Variants in ABR observed in about 807,000 individuals in gnomAD.
The protein encoded by ABR is active breakpoint cluster region-related protein.
A neutral mutation model predicts 107.2 loss-of-function variants in ABR; 35 were observed. That is an observed-to-expected ratio of 0.33 (90% confidence interval 0.25 to 0.43). ABR has a LOEUF of 0.43. ABR is among the 20% of genes least tolerant of loss of function. The pLI, the probability that ABR is intolerant of heterozygous loss-of-function variation, is 1.00. For missense variants in ABR, 815 were observed against 1,115.2 expected (o/e 0.73, Z 3.83); for synonymous variants, 498 against 462.0 (o/e 1.08, Z -1.00).
At chr17:1,025,244 C>T (rs558164853) in intron 16 of ABR, among the ~76,000 whole-genome samples, 19 of 152,098 alleles carry the variant, frequency 1.2e-4, no homozygotes, top group East Asian at 3.9e-4. Context: ...TGCAGCGAGC[C>T]GAGATCGCGC....
At chr17:1,091,055 C>T (rs1282256001) in intron 4 of ABR, among the ~76,000 whole-genome samples, 3 of 152,322 alleles carry the variant, frequency 2.0e-5, no homozygotes, top group Admixed American at 6.5e-5. Flanking sequence ...CTGCCGCTCC[C>T]GACCCTGCAG....
At chr17:1,091,316 C>A (rs529449776) in intron 4 of ABR, among the ~76,000 whole-genome samples, 1 of 151,848 alleles carries the variant, frequency 6.6e-6, no homozygotes, top group African/African-American at 2.4e-5. Context: ...CCGGGAAAGA[C>A]GGAGCACCCT....
rs2032393325 is a variant in ABR, at chr17:1,050,756, C to T, written c.1562-122G>A. ...TTTCCAACGTCCCCACGGATGGCATCTTGGCTCTCTCCTCCCTGAAGCCCG... is the reference window on the plus strand; with the variant it reads ...TTTCCAACGTCCCCACGGATGGCATTTTGGCTCTCTCCTCCCTGAAGCCCG... On this transcript the variant is annotated intron_variant, in intron 14 of 22. Coordinates refer to ENST00000302538, the MANE Select transcript of ABR (RefSeq NM_021962.5). This position sits in a 1 kb window ranked among gnomAD's most constrained non-coding sequence, Gnocchi z 4.6. The T allele has an allele frequency of 2.6e-6, 2 of 778,222 alleles. No homozygotes were observed. Among genetic ancestry groups the T allele is most frequent in the African/African-American group, 3.4e-5 (2 of 58,818 alleles). 48.2% of individuals were successfully genotyped at this position (778,222 alleles called of 1,614,324 possible).
intron 2 of ABR, among the ~76,000 whole-genome samples, chr17:1,106,568 C>T (rs1214471477): frequency 7.9e-6 from 1 of 126,780 alleles, no homozygotes; most frequent in African/African-American, 3.1e-5. Context: ...CTCACCCTGT[C>T]GCCCAGGCTG....
intron 16 of ABR, chr17:1,031,902 G>GCTCCCCTCCCTCCC (rs1491576789): frequency 9.9e-7 from 1 of 1,009,500 alleles, no homozygotes; most frequent in Non-Finnish European, 1.2e-6. Context: ...CTCCGTCCGC[G>GCTCCCCTCCCTCCC]TCCCTCCTCC....
intron 10 of ABR, 140 bp from the exon 11 acceptor site, chr17:1,059,007 G>A (rs1463718733): frequency 7.7e-7 from 1 of 1,293,386 alleles, no homozygotes; most frequent in East Asian, 2.4e-5. Context: ...CTTGTGGCAG[G>A]AGAGGCGGGT....
chr17:1,053,730 G>A (rs867458175), intron 14 of ABR, among the ~76,000 whole-genome samples: 2 of 152,124 alleles, frequency 1.3e-5, no homozygotes, highest in East Asian at 1.9e-4. Flanking sequence ...CAGCTCAGCC[G>A]GCTCTGACAC....
chr17:1,007,123 G>A (rs112719182), intron 22 of ABR, 42 bp downstream of exon 22: 13 of 653,224 alleles, frequency 2.0e-5, no homozygotes, highest in African/African-American at 4.5e-5. Context: ...TCATGGGACC[G>A]TCACCCTCCG....
At chr17:1,009,272 C>A (rs1018004566) in intron 21 of ABR, among the ~76,000 whole-genome samples, 8 of 138,356 alleles carry the variant, frequency 5.8e-5, no homozygotes, top group African/African-American at 7.9e-5. Flanking sequence ...TGTCCACCCC[C>A]CACTGCTGTC....
intron 1 of ABR, among the ~76,000 whole-genome samples, chr17:1,195,144 A>G (rs1240687297): frequency 6.9e-6 from 1 of 145,828 alleles, no homozygotes. Context: ...CGTCTCTACT[A>G]AAAATACAAA....
chr17:1,061,529 ATTGT>A (rs1395210788), intron 10 of ABR, among the ~76,000 whole-genome samples: 2 of 144,968 alleles, frequency 1.4e-5, no homozygotes, highest in Admixed American at 1.4e-4. Context: ...TTCTTCAATA[ATTGT>A]TTGTTTACTA....
intron 10 of ABR, among the ~76,000 whole-genome samples, chr17:1,060,209 G>C (rs958900270): frequency 6.6e-6 from 1 of 152,096 alleles, no homozygotes; most frequent in African/African-American, 2.4e-5. Context: ...TCAGGAGTTC[G>C]AGACCACCCT....
At chr17:1,133,156 C>T (rs534673926) in intron 1 of ABR, among the ~76,000 whole-genome samples, 4 of 152,032 alleles carry the variant, frequency 2.6e-5, no homozygotes, top group South Asian at 2.1e-4. Flanking sequence ...GCAGGATAAT[C>T]GCTTGAACCT....
intron 3 of ABR, among the ~76,000 whole-genome samples, chr17:1,095,864 C>T (rs554413366): frequency 2.6e-5 from 4 of 152,236 alleles, no homozygotes; most frequent in South Asian, 2.1e-4. Flanking sequence ...CCATGCCACC[C>T]GAGTCACTCG....
chr17:1,091,864 A>C lies in ABR; in HGVS notation c.346-14T>G. On this transcript the variant is annotated splice_polypyrimidine_tract_variant and intron_variant, in intron 3 of 22. Coordinates refer to ENST00000302538, the MANE Select transcript of ABR (RefSeq NM_021962.5). ...GGGTTTCATGGGCTGGGAGAAACAG[A>C]GGAAGAAAGAGCAGAGGTCGGGGGT... 2 of 1,609,074 alleles carry C rather than the reference A, an allele frequency of 1.2e-6. No homozygotes were observed. The highest frequency in any genetic ancestry group is 1.7e-6 in the Non-Finnish European group (2 of 1,177,276).
chr17:1,208,925 G>A (rs974765027), intron 1 of ABR, among the ~76,000 whole-genome samples: 4 of 150,692 alleles, frequency 2.7e-5, no homozygotes, highest in African/African-American at 4.9e-5. Context: ...TGCCTGCCAA[G>A]TCAGTTAAAG....
intron 1 of ABR, among the ~76,000 whole-genome samples, chr17:1,223,255 T>A (rs980280805): frequency 6.6e-6 from 1 of 151,194 alleles, no homozygotes; most frequent in Non-Finnish European, 1.5e-5. Context: ...GCACCAGTAA[T>A]CTCAGCTACT....
rs1567625822 is a variant in ABR, at chr17:1,037,058, C to CCCATCCAT, written c.1791+12984_1791+12991dup. Among the ~76,000 whole-genome samples, 4 of 127,510 alleles carry CCCATCCAT rather than the reference C, an allele frequency of 3.1e-5. No homozygotes were observed. Among genetic ancestry groups the CCCATCCAT allele is most frequent in the African/African-American group, 1.4e-4 (4 of 29,048 alleles). The allele number at this position is 127,510 out of a possible 152,430, so 83.7% of individuals were successfully genotyped here. On this transcript the variant is annotated intron_variant, in intron 16 of 22. Coordinates refer to ENST00000302538, the MANE Select transcript of ABR (RefSeq NM_021962.5). The surrounding 1 kb of genome is among the most constrained non-coding windows in gnomAD (Gnocchi z 4.6). ...ATCCACCCATCCATCCATCCATCCA[C>CCCATCCAT]CCATCCATCCACCCACCCACCCATC...
chr17:1,130,140 G>C (rs2039763399), intron 1 of ABR, among the ~76,000 whole-genome samples: 1 of 152,110 alleles, frequency 6.6e-6, no homozygotes, highest in South Asian at 2.1e-4. Context: ...ATGATAAAAT[G>C]GTGGTGGTGG....
Sources: gnomAD v4.1 joint callset for allele counts (sites outside exome capture counted in the v4.1 genomes callset) on GRCh38, gnomAD v4.1.1 for gene constraint, Gnocchi (gnomAD v3.1) non-coding constraint, MANE v1.5 for transcripts, NCBI Gene and HGNC (gene_info 2026-07-23, HGNC 2026-07-21) for gene names.